ZBTB20: variants seen among roughly 807,000 people sequenced by gnomAD.
ZBTB20 encodes the protein zinc finger and BTB domain-containing protein 20.
ZBTB20 carries 9 observed loss-of-function variants against 56.9 expected under a neutral mutation model. The ratio of observed to expected loss-of-function variants is 0.16; its 90% CI spans 0.10 to 0.28. ZBTB20 has a LOEUF of 0.28. ZBTB20 is among the 10% of genes least tolerant of loss of function. The probability of loss-of-function intolerance (pLI) is 1.00; values close to 1 mark genes in which losing one functional copy is unlikely to be tolerated. For synonymous variants in ZBTB20, 417 were observed against 420.7 expected, an observed-to-expected ratio of 0.99 and a Z score of 0.11; for missense variants, 655 against 1,003.0, an observed-to-expected ratio of 0.65 and a Z score of 4.69.
At chr3:114,941,596 TA>T (rs1576382504) in intron 3 of ZBTB20, among the ~76,000 whole-genome samples, 1 of 146,476 alleles carries the variant, frequency 6.8e-6, no homozygotes, top group East Asian at 1.9e-4. Flanking sequence ...AGTCAAAAGA[TA>T]TCTAAAGACT....
chr3:114,319,950 G>A lies in ZBTB20; in HGVS notation c.*19055C>T, dbSNP rs2078834518. On this transcript the variant is annotated 3_prime_UTR_variant, in exon 12 of 12. Transcript: ENST00000675478. ...TTAAAAGGTGATGTGGAAATCCAGTGGTATGAGGAAGGCTGGGGTTATTTC... is the reference window on the plus strand; with the variant it reads ...TTAAAAGGTGATGTGGAAATCCAGTAGTATGAGGAAGGCTGGGGTTATTTC... 1.3e-5 allele frequency: 2 copies of A among 152,004 alleles called. No homozygotes were observed. The highest frequency in any genetic ancestry group is 1.3e-4 in the Admixed American group (2 of 15,270). The allele number at this position is 152,004 out of a possible 1,614,324, so 9.4% of individuals were successfully genotyped here. A position where few individuals can be genotyped will look rare whatever the true frequency, so the allele number is the denominator to read the frequency against.
chr3:114,581,674 A>G (rs1016189013), intron 6 of ZBTB20, among the ~76,000 whole-genome samples: 7 of 151,796 alleles, frequency 4.6e-5, no homozygotes, highest in African/African-American at 1.7e-4. Context: ...AGAAGAGAAA[A>G]TCCCAATGGC....
At chr3:114,425,642 T>C (rs1018835687) in intron 7 of ZBTB20, among the ~76,000 whole-genome samples, 10 of 152,208 alleles carry the variant, frequency 6.6e-5, no homozygotes, top group Non-Finnish European at 1.3e-4. Context: ...GCCATAGTTT[T>C]TTCTTCTTAT....
At chr3:114,999,061 GAGAGGAGAGC>G (rs1560477596) in intron 2 of ZBTB20, among the ~76,000 whole-genome samples, 1 of 147,168 alleles carries the variant, frequency 6.8e-6, no homozygotes, top group Non-Finnish European at 1.5e-5. Flanking sequence ...GAAAGGAGAG[GAGAGGAGAGC>G]AGAGGAGAGG....
chr3:114,532,522 G>A (rs2047966711), intron 6 of ZBTB20, among the ~76,000 whole-genome samples: 4 of 152,174 alleles, frequency 2.6e-5, no homozygotes, highest in African/African-American at 7.2e-5. Flanking sequence ...CATCTCCCTG[G>A]GACAGAGCAC....
At chr3:114,343,863 C>T (rs111344074) in intron 11 of ZBTB20, among the ~76,000 whole-genome samples, 11,259 of 152,186 alleles carry the variant, frequency 0.074, 535 homozygotes, top group Non-Finnish European at 0.11. Context: ...GCCTGACCAA[C>T]ATGGTGAAAC....
Position 115,071,254 on chromosome 3 carries a change from T to C in ZBTB20, c.-542A>G, listed in dbSNP as rs1411986644. 6.6e-6 allele frequency: 1 copy of C among 152,122 alleles called. No homozygotes were observed. Among genetic ancestry groups the C allele is most frequent in the Admixed American group, 6.6e-5 (1 of 15,248 alleles). 9.4% of individuals were successfully genotyped at this position (152,122 alleles called of 1,614,324 possible). ...ATGACGGAGCAGAAATAGAGAATTC[T>C]TGATTAACCAGGAGAAGAATATCAT... On this transcript the variant is annotated 5_prime_UTR_variant, in exon 2 of 12. Coordinates refer to ENST00000675478, the MANE Select transcript of ZBTB20 (RefSeq NM_001348800.3).
At chr3:114,856,375 T>C (rs1275499398) in intron 4 of ZBTB20, among the ~76,000 whole-genome samples, 1 of 151,994 alleles carries the variant, frequency 6.6e-6, no homozygotes, top group African/African-American at 2.4e-5. Context: ...AAGAGGCAAA[T>C]ACCCCTTCAG....
At chr3:114,625,470 C>A (rs937022161) in intron 6 of ZBTB20, among the ~76,000 whole-genome samples, 2 of 152,072 alleles carry the variant, frequency 1.3e-5, no homozygotes, top group Non-Finnish European at 2.9e-5. Flanking sequence ...CAAGGCACTG[C>A]AGTTAAATAG....
chr3:114,444,765 C>T (rs1039386675), intron 7 of ZBTB20, among the ~76,000 whole-genome samples: 4 of 151,820 alleles, frequency 2.6e-5, no homozygotes, highest in African/African-American at 9.7e-5. Context: ...AATGTAGATC[C>T]TTCTATTCTT....
At chr3:114,551,320 A>G (rs2050550834) in intron 6 of ZBTB20, among the ~76,000 whole-genome samples, 1 of 152,244 alleles carries the variant, frequency 6.6e-6, no homozygotes, top group South Asian at 2.1e-4. Flanking sequence ...GTCCTAAGAC[A>G]CAGTATTAAA....
At chr3:114,724,035 ATT>A (rs549602267) in intron 5 of ZBTB20, among the ~76,000 whole-genome samples, 1 of 146,302 alleles carries the variant, frequency 6.8e-6, no homozygotes. Context: ...AGCCCGGCTA[ATT>A]TTTTTTTTTG....
At chr3:114,841,297 T>C (rs760484958) in intron 4 of ZBTB20, among the ~76,000 whole-genome samples, 20 of 152,072 alleles carry the variant, frequency 1.3e-4, no homozygotes, top group Non-Finnish European at 2.9e-4. Flanking sequence ...AAAAGAGTAA[T>C]GAAGAGTATT....
At chr3:114,767,675 T>C (rs942277569) in intron 5 of ZBTB20, among the ~76,000 whole-genome samples, 2 of 151,966 alleles carry the variant, frequency 1.3e-5, no homozygotes, top group African/African-American at 4.8e-5. Flanking sequence ...AAAGCCATTA[T>C]AGAGGTATTT....
intron 4 of ZBTB20, among the ~76,000 whole-genome samples, chr3:114,854,952 T>A (rs542249588): frequency 6.6e-6 from 1 of 152,332 alleles, no homozygotes; most frequent in East Asian, 1.9e-4. Flanking sequence ...CAATAGTTTC[T>A]CTGCTTCAAT....
At chr3:114,975,238 T>G (rs2078047987) in intron 2 of ZBTB20, among the ~76,000 whole-genome samples, 1 of 152,164 alleles carries the variant, frequency 6.6e-6, no homozygotes, top group Non-Finnish European at 1.5e-5. Context: ...TTGAATTTGA[T>G]GTTGTGTTCC....
intron 4 of ZBTB20, among the ~76,000 whole-genome samples, chr3:114,861,601 C>T (rs936108506): frequency 1.3e-5 from 2 of 152,000 alleles, no homozygotes; most frequent in African/African-American, 4.8e-5. Context: ...CAGCCTGTTG[C>T]TGTGGGGCAT....
intron 6 of ZBTB20, among the ~76,000 whole-genome samples, chr3:114,591,801 C>A (rs2055793534): frequency 6.6e-6 from 1 of 152,120 alleles, no homozygotes; most frequent in African/African-American, 2.4e-5. Context: ...GTTAGTTATA[C>A]TTATCTCTCA....
chr3:114,443,936 A>G (rs990587684), intron 7 of ZBTB20, among the ~76,000 whole-genome samples: 1 of 152,210 alleles, frequency 6.6e-6, no homozygotes, highest in Non-Finnish European at 1.5e-5. Flanking sequence ...ATAAATACAT[A>G]AATAGCTTGC....
Sources: gnomAD v4.1 joint callset for allele counts (sites outside exome capture counted in the v4.1 genomes callset) on GRCh38, gnomAD v4.1.1 for gene constraint, MANE v1.5 for transcripts, NCBI Gene and HGNC (gene_info 2026-07-23, HGNC 2026-07-21) for gene names.